Variants in PDS5A observed in about 807,000 individuals in gnomAD.
PDS5A encodes the protein sister chromatid cohesion protein PDS5 homolog A.
Under a neutral mutation model 167.1 loss-of-function variants are expected in PDS5A, and 42 were observed. The ratio of observed to expected loss-of-function variants is 0.25; its 90% CI spans 0.20 to 0.33. The LOEUF is 0.33. Ranked by LOEUF, PDS5A falls within the 10% of genes least tolerant of loss-of-function variation. PDS5A has a pLI of 1.00. For missense variants in PDS5A, 1,033 were observed against 1,605.9 expected, an observed-to-expected ratio of 0.64 and a Z score of 6.10; for synonymous variants, 553 against 554.6, an observed-to-expected ratio of 1.00 and a Z score of 0.04.
chr4:39,971,131 A>G (rs1202067220), intron 2 of PDS5A, among the ~76,000 whole-genome samples: 1 of 149,472 alleles, frequency 6.7e-6, no homozygotes, highest in Non-Finnish European at 1.5e-5. Context: ...ATTCCTTTGT[A>G]ATTGCCTTTA....
intron 9 of PDS5A, among the ~76,000 whole-genome samples, chr4:39,910,912 T>C (rs886811978): frequency 6.6e-6 from 1 of 152,086 alleles, no homozygotes; most frequent in Non-Finnish European, 1.5e-5. Flanking sequence ...GTGGGTGGAT[T>C]GCTTGCACTC....
intron 32 of PDS5A, among the ~76,000 whole-genome samples, chr4:39,832,371 G>A (rs970425375): frequency 2.0e-4 from 30 of 151,468 alleles, no homozygotes; most frequent in Admixed American, 1.1e-3. Flanking sequence ...CTGCCACCAC[G>A]CCTGGCTAAT....
At chr4:39,961,675 T>C (rs1180633055) in intron 2 of PDS5A, among the ~76,000 whole-genome samples, 4 of 152,208 alleles carry the variant, frequency 2.6e-5, no homozygotes, top group African/African-American at 9.6e-5. Flanking sequence ...ATTACAGGCA[T>C]GTGGCACCGC....
At chr4:39,906,589 T>TAA (rs146506103) in intron 11 of PDS5A, among the ~76,000 whole-genome samples, 15 of 144,106 alleles carry the variant, frequency 1.0e-4, no homozygotes, top group Admixed American at 7.0e-4. Flanking sequence ...AAAATAATAG[T>TAA]AAAAAAAAAT....
intron 19 of PDS5A, among the ~76,000 whole-genome samples, chr4:39,876,446 T>C (rs1720469590): frequency 6.6e-6 from 1 of 152,190 alleles, no homozygotes; most frequent in South Asian, 2.1e-4. Context: ...GAATATACTC[T>C]GAACTAATTG....
intron 26 of PDS5A, among the ~76,000 whole-genome samples, chr4:39,861,556 T>C (rs991944036): frequency 3.9e-5 from 6 of 152,236 alleles, no homozygotes; most frequent in African/African-American, 1.2e-4. Context: ...AGGGTGACTA[T>C]AGTTAACAAT....
chr4:39,928,289 C>T (rs1033930410), intron 2 of PDS5A, 125 bp from the exon 3 acceptor site: 12 of 587,382 alleles, frequency 2.0e-5, no homozygotes, highest in Non-Finnish European at 3.3e-5. Context: ...AGTTCACAGT[C>T]AACTTTTTAT....
chr4:39,928,244 A>AT (rs930262315), intron 2 of PDS5A, 80 bp from the exon 3 acceptor site: 16 of 906,748 alleles, frequency 1.8e-5, no homozygotes, highest in African/African-American at 5.0e-5. Flanking sequence ...AAAAAAAAAA[A>AT]AGTCATCTCC....
intron 30 of PDS5A, among the ~76,000 whole-genome samples, chr4:39,843,724 T>C (rs1717280203): frequency 1.3e-5 from 2 of 150,990 alleles, no homozygotes; most frequent in African/African-American, 4.9e-5. Context: ...TAAAAATAAG[T>C]ATTTTGATAT....
At chr4:39,837,294 G>A (rs1305196709) in intron 32 of PDS5A, 1 of 153,184 alleles carries the variant, frequency 6.5e-6, no homozygotes, top group Non-Finnish European at 1.5e-5. Context: ...TAAGTTCTAA[G>A]GCCAAGGTGA....
At chr4:39,945,989 T>C (rs1250136227) in intron 2 of PDS5A, among the ~76,000 whole-genome samples, 2 of 151,620 alleles carry the variant, frequency 1.3e-5, no homozygotes, top group African/African-American at 2.4e-5. Flanking sequence ...GGGGGATCAC[T>C]TGAGGTCAGG....
chr4:39,908,296 T>C (rs1723573096), intron 11 of PDS5A, 99 bp downstream of exon 11: 1 of 918,016 alleles, frequency 1.1e-6, no homozygotes, highest in African/African-American at 1.7e-5. Context: ...AATTTGATTT[T>C]CACACAGAAA....
chr4:39,930,583 T>G (rs551439773), intron 2 of PDS5A, among the ~76,000 whole-genome samples: 2 of 152,294 alleles, frequency 1.3e-5, no homozygotes, highest in African/African-American at 4.8e-5. Context: ...TACATTTTAT[T>G]TGCTATTACA....
intron 2 of PDS5A, among the ~76,000 whole-genome samples, chr4:39,934,615 CTTTTTTT>C (rs5857707): frequency 7.8e-6 from 1 of 127,594 alleles, no homozygotes; most frequent in Non-Finnish European, 1.7e-5. Context: ...CTTTTTTTTT[CTTTTTTT>C]TTTTTTTTTT....
chr4:39,908,900 T>A (rs933731138), intron 10 of PDS5A: 3 of 193,086 alleles, frequency 1.6e-5, no homozygotes, highest in East Asian at 3.0e-4. Flanking sequence ...TAGCCAGAAG[T>A]GTAGTGGCCC....
intron 11 of PDS5A, among the ~76,000 whole-genome samples, chr4:39,907,277 C>CT (rs1015758426): frequency 1.8e-4 from 27 of 152,126 alleles, no homozygotes; most frequent in African/African-American, 6.3e-4. Flanking sequence ...AGGTATCTGC[C>CT]TTTTTTTAAA....
chr4:39,927,095 C>G (rs1024056691), intron 3 of PDS5A, among the ~76,000 whole-genome samples: 1 of 152,192 alleles, frequency 6.6e-6, no homozygotes, highest in Non-Finnish European at 1.5e-5. Context: ...CTTTCTCTTT[C>G]AGAGCGGACC....
intron 14 of PDS5A, among the ~76,000 whole-genome samples, chr4:39,899,785 G>A (rs1722718541): frequency 6.7e-6 from 1 of 149,834 alleles, no homozygotes; most frequent in East Asian, 2.0e-4. Context: ...GTGACATCGA[G>A]GCTGCAGTGA....
chr4:39,970,729 G>C (rs1460325208), intron 2 of PDS5A, among the ~76,000 whole-genome samples: 1 of 146,484 alleles, frequency 6.8e-6, no homozygotes, highest in African/African-American at 2.5e-5. Flanking sequence ...GGAGGTTCCA[G>C]AATTTCCTTT....
Sources: gnomAD v4.1 joint callset for allele counts (sites outside exome capture counted in the v4.1 genomes callset) on GRCh38, gnomAD v4.1.1 for gene constraint, MANE v1.5 for transcripts, NCBI Gene and HGNC (gene_info 2026-07-23, HGNC 2026-07-21) for gene names.